The following ZNF208 variants were observed in gnomAD, a reference collection of about 807,000 sequenced individuals.
ZNF208 encodes the protein zinc finger protein 208.
ZNF208 carries 10 observed loss-of-function variants against 12.1 expected under a neutral mutation model. The ratio of observed to expected loss-of-function variants is 0.83; its 90% CI spans 0.51 to 1.40. The LOEUF (loss-of-function observed/expected upper bound fraction) is 1.40, where lower values mean the gene tolerates loss of function less well. ZNF208 is among the 40% of genes most tolerant of loss of function. The pLI is 0.00. For missense variants in ZNF208, 1,652 were observed against 1,485.0 expected (o/e 1.11, Z -1.85); for synonymous variants, 497 against 488.4 (o/e 1.02, Z -0.23).
At chr19:21,957,459 C>G (rs969264363) in intron 4 of ZNF208, among the ~76,000 whole-genome samples, 3 of 152,214 alleles carry the variant, frequency 2.0e-5, no homozygotes, top group Non-Finnish European at 4.4e-5. Context: ...AAGCCAGTAA[C>G]AGCCTCTTGG....
At chr19:22,006,510 C>T (rs977391105) in intron 1 of ZNF208, among the ~76,000 whole-genome samples, 1 of 152,110 alleles carries the variant, frequency 6.6e-6, no homozygotes, top group Non-Finnish European at 1.5e-5. Context: ...ACCCCCAAAC[C>T]TCTTCTATCT....
intron 4 of ZNF208, among the ~76,000 whole-genome samples, chr19:21,945,591 ACTAT>A (rs1315574923): frequency 3.3e-5 from 5 of 152,168 alleles, no homozygotes; most frequent in Admixed American, 1.3e-4. Flanking sequence ...CCTTCACCAC[ACTAT>A]CTATTCAACT....
intron 3 of ZNF208, among the ~76,000 whole-genome samples, chr19:21,982,104 T>TC (rs1970549594): frequency 6.6e-6 from 1 of 152,034 alleles, no homozygotes; most frequent in South Asian, 2.1e-4. Context: ...ACGTCTGTAA[T>TC]CCCACCATTT....
At chr19:21,981,428 C>A (rs754211415) in intron 3 of ZNF208, among the ~76,000 whole-genome samples, 11 of 151,998 alleles carry the variant, frequency 7.2e-5, no homozygotes, top group African/African-American at 2.7e-4. Flanking sequence ...TAAACATAAT[C>A]GCTCACATAA....
intron 1 of ZNF208, among the ~76,000 whole-genome samples, chr19:22,002,332 G>A (rs1488692081): frequency 1.3e-5 from 2 of 152,100 alleles, no homozygotes; most frequent in Non-Finnish European, 1.5e-5. Context: ...TATAAAATTG[G>A]TAGTCTTAGC....
At position 21,974,449 on chromosome 19, in the gene ZNF208, A is replaced by G; in HGVS notation, c.585T>C (p.Tyr195=). Residue 195 remains tyrosine, a synonymous_variant, in exon 4 of 4, where the codon TAT becomes TAC. Coordinates refer to ENST00000397126, the MANE Select transcript of ZNF208 (RefSeq NM_007153.3). The part of the protein sequence containing the change: ...LSHLSQHKRI[Y]TRENSYKCEE... ...CACATTTGTAGGAATTCTCTCTAGT[A>G]TAAATTCTTTTATGTTGAGATAGGT... 6.2e-7 allele frequency: 1 copy of G among 1,613,744 alleles called. No individual in the cohort carries two copies. The highest frequency in any genetic ancestry group is 8.5e-7 in the Non-Finnish European group (1 of 1,179,778).
At chr19:21,994,310 T>C (rs760166300) in intron 1 of ZNF208, among the ~76,000 whole-genome samples, 135 of 152,220 alleles carry the variant, frequency 8.9e-4, no homozygotes, top group Non-Finnish European at 1.5e-3. Context: ...ATACATACTT[T>C]ATATTTCCCA....
rs374025775 is a variant in ZNF208, at chr19:22,002,418, AAAC to A, written c.3+8371_3+8373del. ...AGGAAGTCAAACTATCCTTATTTGC[AAAC>A]AACATGATTCTACATCTGGAAACCC... On this transcript the variant is annotated intron_variant, in intron 1 of 3. Coordinates refer to ENST00000397126, the MANE Select transcript of ZNF208 (RefSeq NM_007153.3). Among the ~76,000 whole-genome samples, 863 of 152,318 alleles carry A rather than the reference AAAC, an allele frequency of 5.7e-3. 1 individual carries two copies. The highest frequency in any genetic ancestry group is 0.019 in the African/African-American group (806 of 41,562).
At position 22,009,764 on chromosome 19, in the gene ZNF208, AT is replaced by A. The variant is rs200865613; in HGVS notation, c.3+1027del. On this transcript the variant is annotated intron_variant, in intron 1 of 3. Coordinates refer to ENST00000397126, the MANE Select transcript of ZNF208 (RefSeq NM_007153.3). ...TTGGTCTCAAAAAAAAAAAAAAAAA[AT>A]CTAATTCAAATGCATTTTTTGTAAA... is the stretch of plus-strand genomic sequence containing the variant. Among the ~76,000 whole-genome samples the A allele has an allele frequency of 2.1e-3, 314 of 151,002 alleles. 2 individuals are homozygous for A. Among genetic ancestry groups the A allele is most frequent in the African/African-American group, 7.2e-3 (295 of 40,978 alleles).
At chr19:21,979,194 C>G (rs1032678432) in intron 3 of ZNF208, among the ~76,000 whole-genome samples, 1 of 152,184 alleles carries the variant, frequency 6.6e-6, no homozygotes, top group African/African-American at 2.4e-5. Flanking sequence ...CATAGCAAGA[C>G]AGGCCAACAT....
intron 1 of ZNF208, among the ~76,000 whole-genome samples, chr19:22,001,641 G>C (rs767627151): frequency 7.2e-5 from 11 of 152,066 alleles, no homozygotes; most frequent in Admixed American, 1.3e-4. Context: ...TGTAATCCCA[G>C]AACTTTGGGA....
chr19:22,009,244 C>G (rs1320987872), intron 1 of ZNF208, among the ~76,000 whole-genome samples: 1 of 152,004 alleles, frequency 6.6e-6, no homozygotes, highest in Non-Finnish European at 1.5e-5. Flanking sequence ...GGGAAATTGG[C>G]GTTTGGGAAT....
intron 3 of ZNF208, among the ~76,000 whole-genome samples, chr19:21,982,655 T>C (rs1208759735): frequency 4.6e-5 from 7 of 151,978 alleles, no homozygotes; most frequent in Non-Finnish European, 8.8e-5. Context: ...GGTACTGGTA[T>C]CAAAGCAGAT....
chr19:22,010,285 T>C (rs185104911), intron 1 of ZNF208, among the ~76,000 whole-genome samples: 1 of 152,332 alleles, frequency 6.6e-6, no homozygotes, highest in Non-Finnish European at 1.5e-5. Flanking sequence ...ATAAAACTCT[T>C]TCCGTCAAAC....
chr19:22,000,230 C>A (rs1449781071), intron 1 of ZNF208, among the ~76,000 whole-genome samples: 1 of 152,162 alleles, frequency 6.6e-6, no homozygotes, highest in Non-Finnish European at 1.5e-5. Context: ...CTACAGAACT[C>A]TTCATCGAAA....
Position 21,960,981 on chromosome 19 carries a change from G to A in ZNF208, c.305+13748C>T, listed in dbSNP as rs570906491. Among the ~76,000 whole-genome samples, 3 of 152,264 alleles carry A rather than the reference G, an allele frequency of 2.0e-5. No homozygotes were observed. The South Asian group carries it at 6.2e-4, about 32-fold the overall frequency. The stretch of plus-strand genomic sequence containing the variant: ...TTCCACTTAATAAATAGTGATTCCT[G>A]AATCCTTGACACAGCACTCAGCTAC... On this transcript the variant is annotated intron_variant, in intron 4 of 4. Transcript: ENST00000599916.
rs375251464 is a variant in ZNF208, at chr19:21,973,111, T to C, written c.1923A>G (p.Glu641=). 27 of 1,613,512 alleles carry C rather than the reference T, an allele frequency of 1.7e-5. 1 individual carries two copies. In the African/African-American group the frequency reaches 2.7e-4, roughly 16 times the overall value. ...AGACCTTAATAAAGGTTTTGCCACA[T>C]TCTTTACATTTGTAGGGCTTCTCTC... ...HAGEKPYKCK[E]CGKTFIKVST... The change falls in exon 4 of 4, where the codon GAA becomes GAG. Residue 641 remains glutamate, a synonymous_variant. Coordinates refer to ENST00000397126, the MANE Select transcript of ZNF208 (RefSeq NM_007153.3).
intron 1 of ZNF208, among the ~76,000 whole-genome samples, chr19:21,993,042 T>C (rs1970770391): frequency 6.6e-6 from 1 of 152,180 alleles, no homozygotes; most frequent in South Asian, 2.1e-4. Flanking sequence ...CCTTTAAAAG[T>C]GTCAGCACCA....
rs1213894159 is a variant in ZNF208, at chr19:21,941,264, T to C, written c.306-8027A>G. 5.0e-5 allele frequency: 20 copies of C among 399,060 alleles called. No individual in the cohort carries two copies. In the East Asian group the frequency reaches 6.8e-4, roughly 14 times the overall value. 24.7% of individuals were successfully genotyped at this position (399,060 alleles called of 1,614,324 possible). On this transcript the variant is annotated intron_variant, in intron 4 of 4. Transcript: ENST00000599916. ...CAAGAAAAATGAAAGTCAAAGAAAA[T>C]TAGCAGAAACCAAAGGCAGACGCTA...
Sources: allele counts gnomAD v4.1 joint callset (sites outside exome capture counted in the v4.1 genomes callset), GRCh38; gene constraint gnomAD v4.1.1; transcripts MANE v1.5; gene names NCBI Gene and HGNC (gene_info 2026-07-23, HGNC 2026-07-21).